Variants in PFKFB2 observed in about 807,000 individuals in gnomAD.
PFKFB2 encodes 6-phosphofructo-2-kinase/fructose-2,6-biphosphatase 2.
In PFKFB2, 53 loss-of-function variants were observed where a neutral mutation model predicts 68.0. That is an observed-to-expected ratio of 0.78 (90% CI 0.63 to 0.98). PFKFB2 has a LOEUF of 0.98. Ranked by LOEUF, PFKFB2 falls within the 50% of genes least tolerant of loss-of-function variation. The pLI is 0.00. For synonymous variants in PFKFB2, 222 were observed against 227.6 expected (o/e 0.98, Z 0.22); for missense variants, 451 against 642.0 (o/e 0.70, Z 3.22).
chr1:207,038,194 C>T (rs1188630113), intron 1 of PFKFB2, among the ~76,000 whole-genome samples: 6 of 152,150 alleles, frequency 3.9e-5, no homozygotes. Flanking sequence ...TTTATTCATT[C>T]ACATGTTCAT....
intron 8 of PFKFB2, among the ~76,000 whole-genome samples, chr1:207,065,920 T>C (rs902167861): frequency 6.6e-6 from 1 of 152,206 alleles, no homozygotes; most frequent in Non-Finnish European, 1.5e-5. Context: ...CATATCTGAA[T>C]GGGGGTGTTG....
chr1:207,071,145 A>T, intron 12 of PFKFB2, 43 bp from the exon 13 acceptor site: 1 of 1,519,182 alleles, frequency 6.6e-7, no homozygotes, highest in Non-Finnish European at 9.1e-7. Flanking sequence ...ACCTTACTCC[A>T]TAATACTAAG....
At position 207,063,717 on chromosome 1, in the gene PFKFB2, T is replaced by C. The variant is rs984184675; in HGVS notation, c.451-56T>C. On this transcript the variant is annotated intron_variant, in intron 6 of 14. Coordinates refer to ENST00000367080, the MANE Select transcript of PFKFB2 (RefSeq NM_006212.2). This position sits in a 1 kb window ranked among gnomAD's most constrained non-coding sequence, Gnocchi z 4.1. The stretch of plus-strand genomic sequence containing the variant: ...GGTGGGGTAGATGAGCATGTGCTCT[T>C]AATTAACAGCCTGGCATTTTTGACT... The C allele has an allele frequency of 6.9e-7, 1 of 1,445,700 alleles. No homozygotes were observed. The highest frequency in any genetic ancestry group is 1.4e-5 in the African/African-American group (1 of 71,640). The allele number at this position is 1,445,700 out of a possible 1,614,324, so 89.6% of individuals were successfully genotyped here. A position where few individuals can be genotyped will look rare whatever the true frequency, so the allele number is the denominator to read the frequency against.
Position 207,075,495 on chromosome 1 carries a change from A to G in PFKFB2, c.*3124A>G. ...TTCTCTCCTGGTCTTACTTGAATGC[A>G]TGTTGGTAATCTGTATACATTACTA... On this transcript the variant is annotated 3_prime_UTR_variant, in exon 15 of 15. Coordinates refer to ENST00000367080, the MANE Select transcript of PFKFB2 (RefSeq NM_006212.2). The G allele has an allele frequency of 1.0e-6, 1 of 985,380 alleles. No individual in the cohort carries two copies. The highest frequency in any genetic ancestry group is 1.1e-4 in the East Asian group (1 of 8,824). 61.0% of individuals were successfully genotyped at this position (985,380 alleles called of 1,614,324 possible). A position where few individuals can be genotyped will look rare whatever the true frequency, so the allele number is the denominator to read the frequency against.
At chr1:207,068,102 G>GTGTGTGTGTA (rs1354389862) in intron 9 of PFKFB2, 61 bp from the exon 10 acceptor site, 1 of 1,364,502 alleles carries the variant, frequency 7.3e-7, no homozygotes, top group African/African-American at 1.5e-5. Context: ...TTGAGTGTGT[G>GTGTGTGTGTA]TGTGTGTGTG....
upstream of PFKFB2, chr1:207,049,693 G>C (rs1400978935): frequency 1.9e-6 from 3 of 1,613,992 alleles, 1 homozygote; most frequent in South Asian, 3.3e-5. Flanking sequence ...TCTGGGCCTG[G>C]TTTGGTCTTC....
chr1:207,035,828 G>A (rs1682367261), intron 1 of PFKFB2, among the ~76,000 whole-genome samples: 1 of 152,158 alleles, frequency 6.6e-6, no homozygotes, highest in Admixed American at 6.5e-5. Flanking sequence ...GTCACACGGT[G>A]AGACAGGGAG....
upstream of PFKFB2, chr1:207,052,180 C>G (rs770560244): frequency 3.1e-6 from 5 of 1,612,548 alleles, no homozygotes; most frequent in Non-Finnish European, 4.2e-6. Flanking sequence ...TTGGTGCAAA[C>G]TCACCTCCAC....
chr1:207,059,988 T>C (rs1185997513), intron 2 of PFKFB2, among the ~76,000 whole-genome samples: 1 of 152,152 alleles, frequency 6.6e-6, no homozygotes, highest in East Asian at 1.9e-4. Flanking sequence ...TTTCTTCCTT[T>C]TTCCCCCATC....
chr1:207,061,514 C>T (rs1386571344), intron 2 of PFKFB2, among the ~76,000 whole-genome samples: 1 of 152,060 alleles, frequency 6.6e-6, no homozygotes, highest in Non-Finnish European at 1.5e-5. Flanking sequence ...CCCAGACTTG[C>T]TGAACCTTTG....
In PFKFB2 at chr1:207,077,622, A is replaced by C. The variant is rs559206876; in HGVS notation, c.*5251A>C. 1 of 985,736 alleles carries C rather than the reference A, an allele frequency of 1.0e-6. No homozygotes were observed. Among genetic ancestry groups the C allele is most frequent in the South Asian group, 4.7e-5 (1 of 21,284 alleles). 61.1% of individuals were successfully genotyped at this position (985,736 alleles called of 1,614,324 possible). On this transcript the variant is annotated 3_prime_UTR_variant, in exon 15 of 15. Coordinates refer to ENST00000367080, the MANE Select transcript of PFKFB2 (RefSeq NM_006212.2). ...TTGGGAAGCCTAGGAAGAGAGTTCT[A>C]CTGTAGATTTCCTAGGCACTGCTCT...
intron 2 of PFKFB2, among the ~76,000 whole-genome samples, chr1:207,061,186 TA>T (rs1373667993): frequency 8.7e-6 from 1 of 114,750 alleles, no homozygotes; most frequent in South Asian, 2.7e-4. Context: ...TATATATATA[TA>T]TATATATATA....
At chr1:207,050,085 A>C (rs1292151508), upstream of PFKFB2, among the ~76,000 whole-genome samples, 1 of 152,204 alleles carries the variant, frequency 6.6e-6, no homozygotes, top group African/African-American at 2.4e-5. Flanking sequence ...CCTTCTCCGG[A>C]AACTTATCTA....
chr1:207,050,729 C>T (rs1299542402), upstream of PFKFB2: 4 of 1,613,220 alleles, frequency 2.5e-6, no homozygotes, highest in Non-Finnish European at 3.4e-6. Flanking sequence ...ATCCCCATTG[C>T]TGAGATCCAG....
At position 207,036,512 on chromosome 1, in the gene PFKFB2, C is replaced by T. The variant is rs545954560; in HGVS notation, c.-62+2040C>T. ...AGCTGGATTTCCCATTTTCTGAGACCACTCTTTTTCTCTCTCCATAAACTG... is the reference window on the plus strand; with the variant it reads ...AGCTGGATTTCCCATTTTCTGAGACTACTCTTTTTCTCTCTCCATAAACTG... On this transcript the variant is annotated intron_variant, in intron 1 of 5. Coordinates refer to the PFKFB2 transcript ENST00000545806. 2.0e-5 allele frequency among the ~76,000 whole-genome samples: 3 copies of T among 152,270 alleles called. No individual in the cohort carries two copies. The East Asian group carries it at 5.8e-4, about 29-fold the overall frequency.
intron 1 of PFKFB2, among the ~76,000 whole-genome samples, chr1:207,039,393 C>G (rs1408389184): frequency 6.6e-6 from 1 of 152,186 alleles, no homozygotes; most frequent in Non-Finnish European, 1.5e-5. Flanking sequence ...TCCTACATAA[C>G]AGACTCTAAA....
Position 207,063,888 on chromosome 1 carries a change from G to GGGGGGGTGTGTGT in PFKFB2, c.507+60_507+61insGGGGGTGTGTGTG. ...ACCTTTTGTGCTGTGTGTGTTGTGG[G>GGGGGGGTGTGTGT]GTGTGTGTGTGTGTGTGTGTGTGTG... On this transcript the variant is annotated intron_variant, in intron 7 of 14. Coordinates refer to ENST00000367080, the MANE Select transcript of PFKFB2 (RefSeq NM_006212.2). The surrounding 1 kb of genome is among the most constrained non-coding windows in gnomAD (Gnocchi z 4.1). 5 of 1,015,382 alleles carry GGGGGGGTGTGTGT rather than the reference G, an allele frequency of 4.9e-6. No homozygotes were observed. In the East Asian group the frequency reaches 9.6e-5, roughly 19 times the overall value. 62.9% of individuals were successfully genotyped at this position (1,015,382 alleles called of 1,614,324 possible). A position where few individuals can be genotyped will look rare whatever the true frequency, so the allele number is the denominator to read the frequency against.
chr1:207,049,686 G>T (rs368259601), upstream of PFKFB2: 320 of 1,613,964 alleles, frequency 2.0e-4, no homozygotes, highest in Non-Finnish European at 2.6e-4. Context: ...GTGAACTTCT[G>T]GGCCTGGTTT....
chr1:207,061,358 C>T lies in PFKFB2; in HGVS notation c.86-595C>T, dbSNP rs1269226062. Among the ~76,000 whole-genome samples the T allele has an allele frequency of 1.4e-4, 21 of 150,762 alleles. 1 individual carries two copies. In the Admixed American group the frequency reaches 1.4e-3, roughly 10 times the overall value. ...GTTATTTTCTTTCTTAGCCTTGCTACTTTTTTCCTCTTTCCACCTTGGGTA... is the reference window on the plus strand; with the variant it reads ...GTTATTTTCTTTCTTAGCCTTGCTATTTTTTTCCTCTTTCCACCTTGGGTA... On this transcript the variant is annotated intron_variant, in intron 2 of 14. Coordinates refer to ENST00000367080, the MANE Select transcript of PFKFB2 (RefSeq NM_006212.2).
Sources: allele counts gnomAD v4.1 joint callset (sites outside exome capture counted in the v4.1 genomes callset), GRCh38; gene constraint gnomAD v4.1.1; non-coding constraint Gnocchi (gnomAD v3.1); transcripts MANE v1.5; gene names NCBI Gene and HGNC (gene_info 2026-07-23, HGNC 2026-07-21).